REV3L: variants seen among roughly 807,000 people sequenced by gnomAD.
The protein encoded by REV3L is REV3 like, DNA directed polymerase zeta catalytic subunit.
In REV3L, 69 loss-of-function variants were observed where a neutral mutation model predicts 299.4. That is an observed-to-expected ratio of 0.23 (90% CI 0.19 to 0.28). The LOEUF (loss-of-function observed/expected upper bound fraction) is 0.28. Ranked by LOEUF, REV3L falls within the 10% of genes least tolerant of loss-of-function variation. The pLI is 1.00. For missense variants in REV3L, 3,128 were observed against 3,693.8 expected (o/e 0.85, Z 3.97); for synonymous variants, 1,238 against 1,271.4 (o/e 0.97, Z 0.56).
At chr6:111,350,372 T>C (rs1188489005) in intron 19 of REV3L, among the ~76,000 whole-genome samples, 2 of 152,114 alleles carry the variant, frequency 1.3e-5, no homozygotes, top group Non-Finnish European at 2.9e-5. Flanking sequence ...CTGGTGATTG[T>C]TTTAAGTTCT....
chr6:111,429,133 A>C (rs562134529), intron 1 of REV3L, among the ~76,000 whole-genome samples: 4 of 152,356 alleles, frequency 2.6e-5, no homozygotes, highest in Middle Eastern at 3.4e-3. Context: ...GAGCAATGCT[A>C]TCCTTCAAAT....
intron 20 of REV3L, among the ~76,000 whole-genome samples, chr6:111,347,421 C>A (rs1203301715): frequency 6.6e-6 from 1 of 151,710 alleles, no homozygotes; most frequent in African/African-American, 2.4e-5. Flanking sequence ...ATTTTAAGAA[C>A]AACACAACAA....
chr6:111,363,186 T>A (rs1778871398), intron 16 of REV3L, among the ~76,000 whole-genome samples: 1 of 152,240 alleles, frequency 6.6e-6, no homozygotes, highest in Non-Finnish European at 1.5e-5. Context: ...TATCCTCTTT[T>A]GTAGCAAGCT....
At position 111,375,418 on chromosome 6, in the gene REV3L, A is replaced by T. The variant is rs528072170; in HGVS notation, c.2937T>A (p.Ile979=). The change falls in exon 13 of 32, where the codon ATT becomes ATA. Residue 979 remains isoleucine, a synonymous_variant. Coordinates refer to ENST00000368802, the MANE Select transcript of REV3L (RefSeq NM_001372078.1). ...KKLPPVIIKY[I]IINRFRGRKN... is the part of the protein sequence containing the mutation. The stretch of plus-strand genomic sequence containing the variant: ...TTCTCCCTCTAAATCTATTAATAAT[A>T]ATATACTTTATGATGACAGGGGGCA... The T allele has an allele frequency of 1.2e-5, 19 of 1,598,044 alleles. No individual in the cohort carries two copies. The highest frequency in any genetic ancestry group is 8.5e-7 in the Non-Finnish European group (1 of 1,175,090).
At chr6:111,457,428 G>A (rs777965698) in intron 1 of REV3L, among the ~76,000 whole-genome samples, 9 of 151,780 alleles carry the variant, frequency 5.9e-5, no homozygotes, top group African/African-American at 1.7e-4. Flanking sequence ...CACAACCCCA[G>A]GCTATATCTC....
chr6:111,420,654 TG>T (rs1582920045), intron 1 of REV3L, among the ~76,000 whole-genome samples: 1 of 152,192 alleles, frequency 6.6e-6, no homozygotes, highest in East Asian at 1.9e-4. Context: ...CCAATTTGAT[TG>T]ATGTTCCCTA....
chr6:111,389,188 A>C lies in REV3L; in HGVS notation c.780T>G (p.Gly260=). 3 of 1,613,842 alleles carry C rather than the reference A, an allele frequency of 1.9e-6. No homozygotes were observed. The highest frequency in any genetic ancestry group is 1.1e-5 in the South Asian group (1 of 91,066). The part of the protein sequence containing the change: ...DIEAQIGGNP[G]LQAIWEDEKQ... ...TTTCATCTTCCCATATGGCCTGTAG[A>C]CCAGGGTTTCCACCAATTTGAGCTG... Residue 260 remains glycine, a synonymous_variant, in exon 7 of 32, where the codon GGT becomes GGG. Coordinates refer to ENST00000368802, the MANE Select transcript of REV3L (RefSeq NM_001372078.1).
intron 28 of REV3L, 172 bp from the exon 29 acceptor site, chr6:111,311,431 A>T (rs935647195): frequency 2.2e-6 from 1 of 452,620 alleles, no homozygotes; most frequent in Non-Finnish European, 3.8e-6. Context: ...GTTATTTGAG[A>T]CTTTAGAGAG....
intron 21 of REV3L, among the ~76,000 whole-genome samples, chr6:111,336,373 T>C (rs12207774): frequency 0.11 from 16,332 of 152,188 alleles, 1,162 homozygotes; most frequent in Middle Eastern, 0.2. Flanking sequence ...TCTTTAATTA[T>C]ATTGCTTTTA....
At chr6:111,350,483 A>G (rs1777472502) in intron 19 of REV3L, among the ~76,000 whole-genome samples, 1 of 152,166 alleles carries the variant, frequency 6.6e-6, no homozygotes, top group Admixed American at 6.5e-5. Flanking sequence ...ATATTGAAAA[A>G]AAAAAAAGAT....
intron 24 of REV3L, chr6:111,330,812 T>C (rs1366480423): frequency 1.2e-5 from 2 of 171,790 alleles, no homozygotes; most frequent in Non-Finnish European, 2.3e-5. Flanking sequence ...TTTCTCCAAG[T>C]AGATCTCATC....
chr6:111,400,142 G>A (rs533362794), intron 4 of REV3L, among the ~76,000 whole-genome samples: 1 of 152,246 alleles, frequency 6.6e-6, no homozygotes, highest in South Asian at 2.1e-4. Context: ...CCATTCCCCT[G>A]TTGAGTGGAC....
At chr6:111,479,876 A>T (rs1447360199) in intron 1 of REV3L, among the ~76,000 whole-genome samples, 1 of 152,194 alleles carries the variant, frequency 6.6e-6, no homozygotes, top group East Asian at 1.9e-4. Flanking sequence ...GGAGCTTTTA[A>T]ACCCAAAACA....
chr6:111,428,257 T>G (rs1244268014), intron 1 of REV3L, among the ~76,000 whole-genome samples: 1 of 152,108 alleles, frequency 6.6e-6, no homozygotes, highest in East Asian at 1.9e-4. Context: ...ATGAGCTTTC[T>G]GATCAAGAAT....
At chr6:111,380,256 T>G in intron 10 of REV3L, 37 bp from the exon 11 acceptor site, 1 of 1,480,876 alleles carries the variant, frequency 6.8e-7, no homozygotes, top group Non-Finnish European at 9.3e-7. Flanking sequence ...ACAAATAAGT[T>G]TTCTTTTTTT....
chr6:111,436,628 AAGGGTGGGGGTGC>A (rs1036031014), intron 1 of REV3L, among the ~76,000 whole-genome samples: 3 of 152,126 alleles, frequency 2.0e-5, no homozygotes, highest in African/African-American at 7.2e-5. Context: ...AGAAGCTGAG[AAGGGTGGGGGTGC>A]AGGGATGAAG....
chr6:111,437,783 T>C (rs1251431318), intron 1 of REV3L, among the ~76,000 whole-genome samples: 1 of 152,096 alleles, frequency 6.6e-6, no homozygotes, highest in African/African-American at 2.4e-5. Context: ...GTTGCACAAC[T>C]CTGTGAACAA....
At chr6:111,388,515 A>AT (rs1781569578) in intron 7 of REV3L, among the ~76,000 whole-genome samples, 1 of 152,174 alleles carries the variant, frequency 6.6e-6, no homozygotes, top group Non-Finnish European at 1.5e-5. Flanking sequence ...TTGAAATAAT[A>AT]TATCTGCCTT....
intron 1 of REV3L, among the ~76,000 whole-genome samples, chr6:111,474,221 C>A (rs1054284973): frequency 2.0e-5 from 3 of 152,158 alleles, no homozygotes; most frequent in Non-Finnish European, 4.4e-5. Flanking sequence ...TTCTGACAAA[C>A]ATACATGCAC....
Sources: allele counts gnomAD v4.1 joint callset (sites outside exome capture counted in the v4.1 genomes callset), GRCh38; gene constraint gnomAD v4.1.1; transcripts MANE v1.5; gene names NCBI Gene and HGNC (gene_info 2026-07-23, HGNC 2026-07-21).